DENND5A: variants seen among roughly 807,000 people sequenced by gnomAD.
DENND5A encodes DENN domain-containing protein 5A.
Under a neutral mutation model 140.3 loss-of-function variants are expected in DENND5A, and 64 were observed. The ratio of observed to expected loss-of-function variants is 0.46; its 90% CI spans 0.37 to 0.56. The LOEUF (loss-of-function observed/expected upper bound fraction) is 0.56, where lower values mean the gene tolerates loss of function less well. DENND5A is among the 20% of genes least tolerant of loss of function. DENND5A has a pLI of 0.00. For missense variants in DENND5A, 1,292 were observed against 1,593.8 expected (o/e 0.81, Z 3.22); for synonymous variants, 605 against 607.7 (o/e 1.00, Z 0.07).
At chr11:9,182,266 A>G (rs1263636366) in intron 5 of DENND5A, among the ~76,000 whole-genome samples, 1 of 151,844 alleles carries the variant, frequency 6.6e-6, no homozygotes, top group East Asian at 1.9e-4. Flanking sequence ...CAGTAAGCTG[A>G]GATTGTGCCA....
intron 19 of DENND5A, 110 bp downstream of exon 19, chr11:9,143,987 C>A: frequency 7.6e-7 from 1 of 1,322,768 alleles, no homozygotes; most frequent in South Asian, 1.4e-5. Flanking sequence ...GAAGTGTTTC[C>A]TGAGGCAGCT....
At chr11:9,142,670 C>T (rs1437228408) in intron 21 of DENND5A, 52 bp downstream of exon 21, 1 of 1,608,576 alleles carries the variant, frequency 6.2e-7, no homozygotes, top group African/African-American at 1.3e-5. Context: ...GCTGGTGAGT[C>T]CCCTTATATC....
chr11:9,261,293 C>G (rs1852186921), intron 1 of DENND5A, among the ~76,000 whole-genome samples: 1 of 152,166 alleles, frequency 6.6e-6, no homozygotes, highest in Non-Finnish European at 1.5e-5. Flanking sequence ...TGTAAGTTAA[C>G]TGTGTGGAGT....
chr11:9,162,924 G>A (rs973860020), intron 11 of DENND5A, among the ~76,000 whole-genome samples: 5 of 147,968 alleles, frequency 3.4e-5, no homozygotes, highest in Non-Finnish European at 7.5e-5. Context: ...GGCTGGAACC[G>A]AACTCCCAGG....
At chr11:9,208,227 T>G (rs959687620) in intron 1 of DENND5A, among the ~76,000 whole-genome samples, 6 of 152,162 alleles carry the variant, frequency 3.9e-5, no homozygotes, top group African/African-American at 1.4e-4. Context: ...AAAAAGAACA[T>G]ACACATACAA....
rs769865733 is a variant in DENND5A at position 9,203,757 on chromosome 11, A to G, written c.852T>C (p.Phe284=). 2.0e-5 allele frequency: 33 copies of G among 1,614,214 alleles called. No homozygotes were observed. The highest frequency in any genetic ancestry group is 3.3e-5 in the Admixed American group (2 of 60,022). The stretch of plus-strand genomic sequence containing the variant: ...GCAGTTCAAAAACCTCTTTGACAGG[A>G]AAGTCAAATAGGGGAAGCTCATTGG... ...PSTNELPLFD[F]PVKEVFELLG... Residue 284 remains phenylalanine (F), a synonymous_variant, in exon 4 of 23, where the codon TTT becomes TTC. Coordinates refer to ENST00000328194, the MANE Select transcript of DENND5A (RefSeq NM_015213.4).
intron 1 of DENND5A, among the ~76,000 whole-genome samples, chr11:9,232,372 T>C (rs1423836823): frequency 6.6e-6 from 1 of 151,802 alleles, no homozygotes; most frequent in African/African-American, 2.4e-5. Context: ...TATAAAGAAC[T>C]GCATTAAATC....
At position 9,210,746 on chromosome 11, in the gene DENND5A, T is replaced by G. The variant is rs75168720; in HGVS notation, c.110-3114A>C. ...CAGGGTCTAGCTAGGTTGCCCAGGT[T>G]GCTCTCAAATTCCTGGGCTTACGCA... On this transcript the variant is annotated intron_variant, in intron 1 of 22. Coordinates refer to ENST00000328194, the MANE Select transcript of DENND5A (RefSeq NM_015213.4). Among the ~76,000 whole-genome samples the G allele has an allele frequency of 5.3e-3, 805 of 152,278 alleles. 7 individuals are homozygous for G. Among genetic ancestry groups the G allele is most frequent in the African/African-American group, 0.018 (764 of 41,566 alleles).
At chr11:9,217,453 G>A (rs1850138551) in intron 1 of DENND5A, among the ~76,000 whole-genome samples, 1 of 152,000 alleles carries the variant, frequency 6.6e-6, no homozygotes. Flanking sequence ...GGCAGAGGGT[G>A]CAGTGAGCCG....
intron 4 of DENND5A, among the ~76,000 whole-genome samples, chr11:9,198,278 T>C (rs1443290276): frequency 2.0e-5 from 3 of 151,916 alleles, no homozygotes; most frequent in Non-Finnish European, 4.4e-5. Context: ...TCTGCTCATG[T>C]TCTTTTGCAA....
intron 19 of DENND5A, 93 bp downstream of exon 19, chr11:9,144,004 G>A (rs527347935): frequency 1.4e-6 from 2 of 1,430,006 alleles, no homozygotes; most frequent in African/African-American, 2.9e-5. Flanking sequence ...AGCTGCACAG[G>A]CTGGGACCCA....
At chr11:9,179,306 A>G (rs373726954) in intron 6 of DENND5A, among the ~76,000 whole-genome samples, 2 of 152,158 alleles carry the variant, frequency 1.3e-5, no homozygotes, top group East Asian at 3.9e-4. Context: ...CAACAACTCA[A>G]TGAAAGTGGA....
intron 8 of DENND5A, chr11:9,176,758 C>T: frequency 2.7e-6 from 1 of 373,258 alleles, no homozygotes; most frequent in Non-Finnish European, 5.4e-6. Flanking sequence ...TGGCAAATAC[C>T]ATCAACTGCT....
rs377448545 is a variant in DENND5A, at chr11:9,160,825, A to G, written c.2324T>C (p.Val775Ala). 1 of 1,614,062 alleles carries G rather than the reference A, an allele frequency of 6.2e-7. No homozygotes were observed. The highest frequency in any genetic ancestry group is 8.5e-7 in the Non-Finnish European group (1 of 1,179,928). Residue 775 changes from valine to alanine, a missense_variant, in exon 12 of 23, where the codon GTG (valine) becomes GCG (alanine). By Grantham distance (64) the Val-to-Ala change is moderately conservative (BLOSUM62 0). Transcript: ENST00000328194. ...GTTCACCTCCCCATGCCCTAGCTCCACAGCTTCTCGGCCCATCTTTTCCAC... is the reference window on the plus strand; with the variant it reads ...GTTCACCTCCCCATGCCCTAGCTCCGCAGCTTCTCGGCCCATCTTTTCCAC... ...MLVEKMGREA[V>A]ELGHGEVNIT...
At chr11:9,252,907 T>C (rs1387173217) in intron 1 of DENND5A, among the ~76,000 whole-genome samples, 3 of 151,240 alleles carry the variant, frequency 2.0e-5, no homozygotes, top group Non-Finnish European at 4.4e-5. Context: ...TGGAGTGCAG[T>C]GGCACAATCA....
At chr11:9,234,848 C>T (rs888231186) in intron 1 of DENND5A, among the ~76,000 whole-genome samples, 1 of 152,196 alleles carries the variant, frequency 6.6e-6, no homozygotes, top group South Asian at 2.1e-4. Context: ...ATGCTTATCA[C>T]TGGCTTGCTG....
At chr11:9,254,016 C>T (rs1247080892) in intron 1 of DENND5A, among the ~76,000 whole-genome samples, 1 of 152,032 alleles carries the variant, frequency 6.6e-6, no homozygotes, top group East Asian at 1.9e-4. Context: ...ATTAGCCAGG[C>T]ATGGTGGCGC....
intron 1 of DENND5A, among the ~76,000 whole-genome samples, chr11:9,224,083 A>G (rs988977653): frequency 1.3e-5 from 2 of 152,198 alleles, no homozygotes; most frequent in Non-Finnish European, 2.9e-5. Context: ...AATCCCAACT[A>G]CTAGGGAGGC....
Position 9,152,321 on chromosome 11 carries a change from A to G in DENND5A, c.2521+37T>C, listed in dbSNP as rs376015964. 168 of 1,444,910 alleles carry G rather than the reference A, an allele frequency of 1.2e-4. 1 individual carries two copies. In the African/African-American group the frequency reaches 2.0e-3, roughly 17 times the overall value. The allele number at this position is 1,444,910 out of a possible 1,614,324, so 89.5% of individuals were successfully genotyped here. A position where few individuals can be genotyped will look rare whatever the true frequency, so the allele number is the denominator to read the frequency against. On this transcript the variant is annotated intron_variant, in intron 13 of 22. Coordinates refer to ENST00000328194, the MANE Select transcript of DENND5A (RefSeq NM_015213.4). ...ACGCCAGTGGGTGATGGAAAAGTGG[A>G]GAGAGGGCAGACTCTCCATTGCAGA...
Sources: gnomAD v4.1 joint callset for allele counts (sites outside exome capture counted in the v4.1 genomes callset) on GRCh38, gnomAD v4.1.1 for gene constraint, MANE v1.5 for transcripts, NCBI Gene and HGNC (gene_info 2026-07-23, HGNC 2026-07-21) for gene names.